The following OXCT1 variants were observed in gnomAD, a reference collection of about 807,000 sequenced individuals.
OXCT1 encodes the protein 3-oxoacid CoA-transferase 1.
Under a neutral mutation model 69.6 loss-of-function variants are expected in OXCT1, and 27 were observed. The observed-to-expected ratio is 0.39, with a 90% CI of 0.29 to 0.54. OXCT1 has a LOEUF of 0.54. Ranked by LOEUF, OXCT1 falls within the 20% of genes least tolerant of loss-of-function variation. The pLI, the probability that OXCT1 is intolerant of heterozygous loss-of-function variation, is 0.72. For missense variants in OXCT1, 437 were observed against 650.2 expected (o/e 0.67, Z 3.57); for synonymous variants, 202 against 217.8 (o/e 0.93, Z 0.64).
intron 7 of OXCT1, among the ~76,000 whole-genome samples, chr5:41,829,027 T>A (rs1747959283): frequency 6.6e-6 from 1 of 152,010 alleles, no homozygotes; most frequent in African/African-American, 2.4e-5. Context: ...GAAAAAAAAA[T>A]GTTCTATACA....
intron 5 of OXCT1, 117 bp downstream of exon 5, chr5:41,849,913 T>G: frequency 9.6e-7 from 1 of 1,046,938 alleles, no homozygotes; most frequent in Non-Finnish European, 1.5e-6. Flanking sequence ...TTTATGAAAA[T>G]GAATGAGTGC....
At chr5:41,801,220 C>A in intron 10 of OXCT1, 150 bp from the exon 11 acceptor site, 1 of 667,274 alleles carries the variant, frequency 1.5e-6, no homozygotes, top group South Asian at 1.8e-5. Flanking sequence ...TCGGTTGTGT[C>A]CATGGCTCTG....
chr5:41,839,995 C>A (rs1242714906), intron 7 of OXCT1, among the ~76,000 whole-genome samples: 2 of 152,210 alleles, frequency 1.3e-5, no homozygotes, highest in Admixed American at 6.5e-5. Flanking sequence ...ACCCAAAGGA[C>A]AGTCAGTGCC....
chr5:41,797,677 A>G (rs1056993726), intron 11 of OXCT1, among the ~76,000 whole-genome samples: 1 of 152,194 alleles, frequency 6.6e-6, no homozygotes, highest in African/African-American at 2.4e-5. Context: ...GTAAATGCCT[A>G]CTATATGCCT....
At chr5:41,852,862 A>G (rs1749243048) in intron 4 of OXCT1, among the ~76,000 whole-genome samples, 1 of 152,192 alleles carries the variant, frequency 6.6e-6, no homozygotes, top group Non-Finnish European at 1.5e-5. Flanking sequence ...GTTCGAGACC[A>G]GCCTGGCCAA....
intron 7 of OXCT1, among the ~76,000 whole-genome samples, chr5:41,833,315 T>A (rs952711422): frequency 1.3e-5 from 2 of 152,104 alleles, no homozygotes; most frequent in African/African-American, 4.8e-5. Context: ...AACAGACTTT[T>A]CAGTGGAAAC....
intron 13 of OXCT1, among the ~76,000 whole-genome samples, chr5:41,766,628 G>A (rs1413026227): frequency 6.7e-6 from 1 of 149,838 alleles, no homozygotes; most frequent in African/African-American, 2.4e-5. Flanking sequence ...GATCTTTGGT[G>A]ATATTTTAAG....
chr5:41,734,480 A>G (rs1045418096), intron 16 of OXCT1, among the ~76,000 whole-genome samples: 1 of 152,200 alleles, frequency 6.6e-6, no homozygotes, highest in African/African-American at 2.4e-5. Context: ...TTAAACCACA[A>G]TTACTTTTGC....
chr5:41,739,928 A>G (rs1321344229), intron 15 of OXCT1, among the ~76,000 whole-genome samples: 1 of 152,136 alleles, frequency 6.6e-6, no homozygotes, highest in African/African-American at 2.4e-5. Flanking sequence ...CAGCAGTGAA[A>G]AAATGTCAAC....
intron 6 of OXCT1, among the ~76,000 whole-genome samples, chr5:41,841,713 C>A (rs937047763): frequency 9.9e-5 from 15 of 152,118 alleles, no homozygotes; most frequent in Non-Finnish European, 1.8e-4. Flanking sequence ...TTTTAAAAAG[C>A]AACTAAACGT....
chr5:41,834,433 C>T (rs1748252096), intron 7 of OXCT1, among the ~76,000 whole-genome samples: 1 of 133,698 alleles, frequency 7.5e-6, no homozygotes, highest in South Asian at 2.2e-4. Flanking sequence ...TAAAGCTACA[C>T]AGAGACCAAA....
At chr5:41,867,373 G>A (rs1168928325) in intron 1 of OXCT1, among the ~76,000 whole-genome samples, 1 of 152,170 alleles carries the variant, frequency 6.6e-6, no homozygotes, top group Non-Finnish European at 1.5e-5. Flanking sequence ...TTACAAACTA[G>A]CAAAGATAGT....
Position 41,870,218 on chromosome 5 carries a change from C to T in OXCT1, c.78+63G>A, listed in dbSNP as rs1750223736. 7.8e-7 allele frequency: 1 copy of T among 1,288,990 alleles called. No homozygotes were observed. The highest frequency in any genetic ancestry group is 1.1e-6 in the Non-Finnish European group (1 of 886,500). 79.8% of individuals were successfully genotyped at this position (1,288,990 alleles called of 1,614,324 possible). A position where few individuals can be genotyped will look rare whatever the true frequency, so the allele number is the denominator to read the frequency against. ...GTAGGGGCAGAGAAGAAAACGCGGG[C>T]ACCACTCAGGGTTTGGTCCACGTTC... On this transcript the variant is annotated intron_variant, in intron 1 of 16. Coordinates refer to ENST00000196371, the MANE Select transcript of OXCT1 (RefSeq NM_000436.4). This position sits in a 1 kb window ranked among gnomAD's most constrained non-coding sequence, Gnocchi z 4.2.
intron 15 of OXCT1, among the ~76,000 whole-genome samples, chr5:41,747,004 T>A (rs900261263): frequency 6.6e-6 from 1 of 152,136 alleles, no homozygotes; most frequent in Admixed American, 6.5e-5. Flanking sequence ...CTATGAATCC[T>A]CTTAACTGGC....
chr5:41,754,352 CAAT>C (rs1743956510), intron 14 of OXCT1, among the ~76,000 whole-genome samples: 1 of 151,952 alleles, frequency 6.6e-6, no homozygotes, highest in Non-Finnish European at 1.5e-5. Flanking sequence ...CACACAAATA[CAAT>C]AATGGGAAAT....
At chr5:41,787,121 A>G (rs894553732) in intron 13 of OXCT1, among the ~76,000 whole-genome samples, 1 of 152,346 alleles carries the variant, frequency 6.6e-6, no homozygotes, top group South Asian at 2.1e-4. Flanking sequence ...GTAAACTGGG[A>G]TAATTTTTCT....
intron 11 of OXCT1, among the ~76,000 whole-genome samples, chr5:41,798,948 T>C (rs1746302917): frequency 6.6e-6 from 1 of 152,196 alleles, no homozygotes; most frequent in African/African-American, 2.4e-5. Context: ...ACCCATCACT[T>C]CAATTTTCTG....
intron 7 of OXCT1, among the ~76,000 whole-genome samples, chr5:41,834,498 A>C (rs1748259069): frequency 1.4e-5 from 2 of 143,302 alleles, no homozygotes; most frequent in Admixed American, 1.4e-4. Context: ...AAAAAAAAAA[A>C]AAAAAACAAA....
At chr5:41,854,092 C>T (rs1308845705) in intron 3 of OXCT1, among the ~76,000 whole-genome samples, 1 of 151,960 alleles carries the variant, frequency 6.6e-6, no homozygotes, top group Non-Finnish European at 1.5e-5. Context: ...GAAATGTGGA[C>T]CCAAATTATA....
Sources: gnomAD v4.1 joint callset for allele counts (sites outside exome capture counted in the v4.1 genomes callset) on GRCh38, gnomAD v4.1.1 for gene constraint, Gnocchi (gnomAD v3.1) non-coding constraint, MANE v1.5 for transcripts, NCBI Gene and HGNC (gene_info 2026-07-23, HGNC 2026-07-21) for gene names.